Variants in DNAH6 observed in about 807,000 individuals in gnomAD.
DNAH6 encodes the protein axonemal beta dynein heavy chain 6.
DNAH6 carries 340 observed loss-of-function variants against 491.4 expected under a neutral mutation model. The ratio of observed to expected loss-of-function variants is 0.69; its 90% confidence interval spans 0.63 to 0.76. DNAH6 has a LOEUF of 0.76. DNAH6 is among the 30% of genes least tolerant of loss of function. The pLI is 0.00. For missense variants in DNAH6, 4,443 were observed against 4,972.2 expected (o/e 0.89, Z 3.20); for synonymous variants, 1,603 against 1,686.1 (o/e 0.95, Z 1.21).
chr2:84,480,851 T>C, the DNAH6 span, among the ~76,000 whole-genome samples: 1 of 151,946 alleles, frequency 6.6e-6, no homozygotes, highest in Non-Finnish European at 1.5e-5. Context: ...TAATCCCAGC[T>C]ACTGGAGAGG....
chr2:84,680,566 G>A (rs1268202914), intron 41 of DNAH6, among the ~76,000 whole-genome samples: 1 of 152,040 alleles, frequency 6.6e-6, no homozygotes, highest in Non-Finnish European at 1.5e-5. Context: ...GGGAGCAGCA[G>A]TGCAGGGGCC....
chr2:84,798,933 A>G (rs190115073), intron 70 of DNAH6, among the ~76,000 whole-genome samples: 87 of 151,112 alleles, frequency 5.8e-4, no homozygotes, highest in Admixed American at 1.6e-3. Context: ...AAGGAAGAAT[A>G]TGGCATAGGT....
the DNAH6 span, among the ~76,000 whole-genome samples, chr2:84,497,134 C>G: frequency 6.6e-6 from 1 of 152,040 alleles, no homozygotes; most frequent in Admixed American, 6.6e-5. Context: ...CCATGCTCAG[C>G]TAATTTTTAT....
At chr2:84,728,714 G>A (rs542293470) in intron 61 of DNAH6, among the ~76,000 whole-genome samples, 28 of 152,058 alleles carry the variant, frequency 1.8e-4, no homozygotes, top group African/African-American at 5.3e-4. Context: ...CTTGATTGTC[G>A]CCTTCTGTAA....
rs1392949906 is a variant in DNAH6 at position 84,699,712 on chromosome 2, G to T, written c.7796G>T (p.Cys2599Phe). Residue 2599 changes from cysteine to phenylalanine, a missense_variant, in exon 48 of 77, where the codon TGC (cysteine) becomes TTC (phenylalanine). Transcript: ENST00000389394. ...ATGTTTCCATCCCTTGTGAATTGCT[G>T]CACCATTGACTGGTTTGTGCAGGTT... is the stretch of plus-strand genomic sequence containing the variant. ...CRMFPSLVNC[C>F]TIDWFVQWPR... 2 of 1,551,610 alleles carry T rather than the reference G, an allele frequency of 1.3e-6. No homozygotes were observed. Among genetic ancestry groups the T allele is most frequent in the Admixed American group, 3.9e-5 (2 of 50,970 alleles).
intron 4 of DNAH6, among the ~76,000 whole-genome samples, chr2:84,534,275 A>G (rs1027354009): frequency 1.3e-5 from 2 of 152,104 alleles, no homozygotes; most frequent in African/African-American, 4.8e-5. Flanking sequence ...TTTTAAAAAA[A>G]AACACAATCG....
At chr2:84,699,925 T>C (rs1274098740) in intron 48 of DNAH6, among the ~76,000 whole-genome samples, 191 bp downstream of exon 48, 2 of 149,238 alleles carry the variant, frequency 1.3e-5, no homozygotes, top group Non-Finnish European at 3.0e-5. Flanking sequence ...TAAGAGACCA[T>C]TGAATTTAGC....
At chr2:84,736,984 T>C (rs1302726963) in intron 62 of DNAH6, among the ~76,000 whole-genome samples, 2 of 152,174 alleles carry the variant, frequency 1.3e-5, no homozygotes, top group African/African-American at 4.8e-5. Flanking sequence ...ATGGCTCTCA[T>C]TATTTTGAGG....
At chr2:84,666,136 G>A (rs571677652) in intron 37 of DNAH6, among the ~76,000 whole-genome samples, 131 of 152,200 alleles carry the variant, frequency 8.6e-4, no homozygotes, top group African/African-American at 3.0e-3. Flanking sequence ...CAAACCCACA[G>A]CCAATATCAT....
chr2:84,494,855 G>A, the DNAH6 span, among the ~76,000 whole-genome samples: 1 of 152,154 alleles, frequency 6.6e-6, no homozygotes, highest in African/African-American at 2.4e-5. Flanking sequence ...TGAACCACCT[G>A]GGAATTATTA....
At chr2:84,583,897 T>TA (rs1247843918) in intron 14 of DNAH6, 102 bp from the exon 15 acceptor site, 1 of 1,209,560 alleles carries the variant, frequency 8.3e-7, no homozygotes, top group East Asian at 2.3e-5. Flanking sequence ...AACAGACTAA[T>TA]ACAATGTTCA....
At chr2:84,590,540 C>G (rs1290113323) in intron 16 of DNAH6, among the ~76,000 whole-genome samples, 2 of 149,366 alleles carry the variant, frequency 1.3e-5, no homozygotes, top group Non-Finnish European at 3.0e-5. Context: ...CATGTGAGCA[C>G]TCCTTGAGCA....
chr2:84,521,613 AT>A (rs1676153841), intron 2 of DNAH6, among the ~76,000 whole-genome samples: 1 of 152,066 alleles, frequency 6.6e-6, no homozygotes, highest in Non-Finnish European at 1.5e-5. Context: ...GGGGTTTTAC[AT>A]TTATGTCTTT....
intron 18 of DNAH6, among the ~76,000 whole-genome samples, chr2:84,599,596 A>G (rs1036449418): frequency 2.8e-4 from 43 of 152,174 alleles, no homozygotes; most frequent in African/African-American, 1.0e-3. Flanking sequence ...TTCTTCAGTC[A>G]TTATTTGGAA....
intron 14 of DNAH6, among the ~76,000 whole-genome samples, chr2:84,583,361 C>T (rs1683227812): frequency 6.6e-6 from 1 of 152,120 alleles, no homozygotes; most frequent in Non-Finnish European, 1.5e-5. Context: ...TAAATATTGG[C>T]ACTGTTTAAT....
intron 51 of DNAH6, among the ~76,000 whole-genome samples, chr2:84,704,681 T>A (rs1258671629): frequency 6.6e-6 from 1 of 152,210 alleles, no homozygotes; most frequent in Non-Finnish European, 1.5e-5. Flanking sequence ...AGCTCAGGAA[T>A]GAGCTTTAAT....
intron 11 of DNAH6, among the ~76,000 whole-genome samples, chr2:84,563,423 A>G (rs1558720515): frequency 6.6e-6 from 1 of 152,172 alleles, no homozygotes; most frequent in East Asian, 1.9e-4. Flanking sequence ...TAGCTTTATA[A>G]TAGCCATTCT....
intron 5 of DNAH6, among the ~76,000 whole-genome samples, chr2:84,545,799 C>G (rs1678719974): frequency 6.6e-6 from 1 of 152,142 alleles, no homozygotes; most frequent in Non-Finnish European, 1.5e-5. Flanking sequence ...TTCCCCTAGA[C>G]AAGGTTGAAG....
At position 84,540,811 on chromosome 2, in the gene DNAH6, T is replaced by C. The variant is rs186430263; in HGVS notation, c.663-3422T>C. Among the ~76,000 whole-genome samples the C allele has an allele frequency of 1.9e-3, 292 of 152,284 alleles. 2 individuals carry two copies. The highest frequency in any genetic ancestry group is 6.7e-3 in the African/African-American group (277 of 41,568). On this transcript the variant is annotated intron_variant, in intron 4 of 76. Coordinates refer to ENST00000389394, the MANE Select transcript of DNAH6 (RefSeq NM_001370.2). ...AATTTGACAAGGGACCCCTTGATCT[T>C]CATTGAACAGCAAGAAAGCACTACA...
Sources: gnomAD v4.1 joint callset for allele counts (sites outside exome capture counted in the v4.1 genomes callset) on GRCh38, gnomAD v4.1.1 for gene constraint, MANE v1.5 for transcripts, NCBI Gene and HGNC (gene_info 2026-07-23, HGNC 2026-07-21) for gene names.